Variants in SAMD8 observed in about 807,000 individuals in gnomAD.
The protein encoded by SAMD8 is sterile alpha motif domain containing 8, also known as sphingomyelin synthase-related protein 1.
SAMD8 carries 20 observed loss-of-function variants against 42.0 expected under a neutral mutation model. The ratio of observed to expected loss-of-function variants is 0.48; its 90% CI spans 0.34 to 0.69. SAMD8 has a LOEUF of 0.69. Among genes scored for constraint, SAMD8 ranks in the 30% least tolerant of loss-of-function variants. The probability of loss-of-function intolerance (pLI) is 0.01; values close to 1 mark genes in which losing one functional copy is unlikely to be tolerated. For missense variants in SAMD8, 328 were observed against 511.6 expected, an observed-to-expected ratio of 0.64 and a Z score of 3.46; for synonymous variants, 162 against 173.0, an observed-to-expected ratio of 0.94 and a Z score of 0.50.
intron 1 of SAMD8, among the ~76,000 whole-genome samples, chr10:75,132,533 G>A (rs1849295661): frequency 6.6e-6 from 1 of 152,066 alleles, no homozygotes; most frequent in Non-Finnish European, 1.5e-5. Flanking sequence ...GTGACCCTGT[G>A]TTATCTCTTG....
chr10:75,120,005 T>C (rs558046405), intron 1 of SAMD8, among the ~76,000 whole-genome samples: 1 of 152,078 alleles, frequency 6.6e-6, no homozygotes, highest in African/African-American at 2.4e-5. Context: ...GAGGTGGAGG[T>C]TGCAGTGAGC....
intron 4 of SAMD8, among the ~76,000 whole-genome samples, chr10:75,172,940 G>T (rs1840904693): frequency 6.6e-6 from 1 of 152,070 alleles, no homozygotes; most frequent in Admixed American, 6.6e-5. Flanking sequence ...AGCCAGGACA[G>T]ATTTTAAAGA....
At chr10:75,149,808 C>T (rs1283204349) in intron 1 of SAMD8, among the ~76,000 whole-genome samples, 2 of 151,780 alleles carry the variant, frequency 1.3e-5, no homozygotes, top group Non-Finnish European at 2.9e-5. Flanking sequence ...TCTCAGTTCT[C>T]GAGTAGGCTT....
chr10:75,149,649 T>C (rs1589959347), intron 1 of SAMD8, among the ~76,000 whole-genome samples: 1 of 152,214 alleles, frequency 6.6e-6, no homozygotes, highest in Non-Finnish European at 1.5e-5. Context: ...CTTTCCTTTA[T>C]GTTTATTTCC....
intron 4 of SAMD8, among the ~76,000 whole-genome samples, chr10:75,175,515 C>CATTTATTTATTT (rs549084623): frequency 1.3e-5 from 2 of 151,564 alleles, no homozygotes; most frequent in Admixed American, 6.6e-5. Context: ...ACAGTGATTT[C>CATTTATTTATTT]ATTTATTTAT....
At chr10:75,130,212 C>T (rs909216089) in intron 1 of SAMD8, among the ~76,000 whole-genome samples, 1 of 151,834 alleles carries the variant, frequency 6.6e-6, no homozygotes, top group Non-Finnish European at 1.5e-5. Context: ...AAAAAAACAC[C>T]TATGATCAGC....
chr10:75,125,289 T>A (rs1209308468), intron 1 of SAMD8: 1 of 152,224 alleles, frequency 6.6e-6, no homozygotes, highest in Non-Finnish European at 1.5e-5. Context: ...CTGTGCATGA[T>A]GTATGCCCAG....
intron 1 of SAMD8, among the ~76,000 whole-genome samples, chr10:75,119,784 A>G (rs1244293487): frequency 6.6e-6 from 1 of 152,176 alleles, no homozygotes; most frequent in Non-Finnish European, 1.5e-5. Context: ...AAATATTGTT[A>G]GCTGGGCACG....
chr10:75,146,361 C>T (rs552978449), intron 1 of SAMD8, among the ~76,000 whole-genome samples: 8 of 148,984 alleles, frequency 5.4e-5, no homozygotes, highest in South Asian at 4.3e-4. Flanking sequence ...CTCAACTCAC[C>T]GCAACCTCCG....
chr10:75,138,557 C>A (rs1589950782), intron 1 of SAMD8, among the ~76,000 whole-genome samples: 1 of 152,130 alleles, frequency 6.6e-6, no homozygotes, highest in East Asian at 1.9e-4. Context: ...TTAGGAGTAC[C>A]AAATGTAAGG....
intron 1 of SAMD8, chr10:75,104,136 C>T (rs1164177089): frequency 7.7e-7 from 1 of 1,300,056 alleles, no homozygotes; most frequent in Non-Finnish European, 1.0e-6. Context: ...GGCAGGTGAA[C>T]CAAGGCCCAG....
chr10:75,152,285 G>A (rs1484569055), intron 2 of SAMD8, among the ~76,000 whole-genome samples: 1 of 151,020 alleles, frequency 6.6e-6, no homozygotes, highest in Non-Finnish European at 1.5e-5. Flanking sequence ...CACTTTGGGA[G>A]GCCGAGGCGG....
In SAMD8 at chr10:75,178,258, A is replaced by T. The variant is rs1161618256; in HGVS notation, c.*1566A>T. On this transcript the variant is annotated 3_prime_UTR_variant, in exon 6 of 6. Coordinates refer to ENST00000542569, the MANE Select transcript of SAMD8 (RefSeq NM_001174156.2). ...GGTCTGCTGTGAACATCATTTTTGT[A>T]TTTCTCACTTGAGAAATGCTGCAAG... 6.6e-6 allele frequency: 1 copy of T among 152,202 alleles called. No individual in the cohort carries two copies. Among genetic ancestry groups the T allele is most frequent in the South Asian group, 2.1e-4 (1 of 4,836 alleles). 9.4% of individuals were successfully genotyped at this position (152,202 alleles called of 1,614,324 possible). A position where few individuals can be genotyped will look rare whatever the true frequency, so the allele number is the denominator to read the frequency against.
chr10:75,103,585 C>T (rs1260487255), intron 1 of SAMD8, among the ~76,000 whole-genome samples: 2 of 152,232 alleles, frequency 1.3e-5, no homozygotes, highest in Non-Finnish European at 2.9e-5. Context: ...ATCCACAGAC[C>T]TTTGTCATAC....
chr10:75,174,430 C>CT (rs1159237277), intron 4 of SAMD8, among the ~76,000 whole-genome samples: 1,492 of 102,738 alleles, frequency 0.015, 35 homozygotes, highest in African/African-American at 0.029. Flanking sequence ...TGCCTGGCCT[C>CT]TTTTTTTTTT....
At chr10:75,121,097 C>T (rs1848995953) in intron 1 of SAMD8, among the ~76,000 whole-genome samples, 1 of 152,036 alleles carries the variant, frequency 6.6e-6, no homozygotes, top group Non-Finnish European at 1.5e-5. Flanking sequence ...TTTCTGTTTG[C>T]TAAGCATTAT....
chr10:75,124,680 T>C (rs1481951399), intron 1 of SAMD8, among the ~76,000 whole-genome samples: 1 of 150,980 alleles, frequency 6.6e-6, no homozygotes, highest in Non-Finnish European at 1.5e-5. Flanking sequence ...TACTGAAGAG[T>C]AGCTCTCTCT....
chr10:75,150,603 C>T lies in SAMD8; in HGVS notation c.75C>T (p.Gly25=), dbSNP rs958486257. ...TAGCTGTGTGGCTGAAGGATGAAGG[C>T]TTTTTTGAATATGTGGACATTTTAT... The part of the protein sequence containing the change: ...KHVAVWLKDE[G]FFEYVDILCN... The change falls in exon 2 of 6, where the codon GGC becomes GGT. Residue 25 remains glycine, a synonymous_variant. Coordinates refer to ENST00000542569, the MANE Select transcript of SAMD8 (RefSeq NM_001174156.2). 6.2e-7 allele frequency: 1 copy of T among 1,614,048 alleles called. No individual in the cohort carries two copies. The highest frequency in any genetic ancestry group is 8.5e-7 in the Non-Finnish European group (1 of 1,180,014).
At chr10:75,173,633 G>T (rs904471517) in intron 4 of SAMD8, among the ~76,000 whole-genome samples, 1 of 152,158 alleles carries the variant, frequency 6.6e-6, no homozygotes, top group East Asian at 1.9e-4. Flanking sequence ...CTCTAAGCCC[G>T]TGTTCATAGC....
Sources: gnomAD v4.1 joint callset for allele counts (sites outside exome capture counted in the v4.1 genomes callset) on GRCh38, gnomAD v4.1.1 for gene constraint, MANE v1.5 for transcripts, NCBI Gene and HGNC (gene_info 2026-07-23, HGNC 2026-07-21) for gene names.